The following EXOC6B variants were observed in gnomAD, a reference collection of about 807,000 sequenced individuals.
The protein encoded by EXOC6B is exocyst complex component 6B.
Under a neutral mutation model 113.5 loss-of-function variants are expected in EXOC6B, and 54 were observed. That is an observed-to-expected ratio of 0.48 (90% CI 0.38 to 0.60). The LOEUF is 0.60. Among genes scored for constraint, EXOC6B ranks in the 20% least tolerant of loss-of-function variants. The probability of loss-of-function intolerance (pLI) is 0.00; values close to 1 mark genes in which losing one functional copy is unlikely to be tolerated. For missense variants in EXOC6B, 797 were observed against 977.5 expected, an observed-to-expected ratio of 0.82 and a Z score of 2.46; for synonymous variants, 357 against 339.0, an observed-to-expected ratio of 1.05 and a Z score of -0.58.
At chr2:72,224,640 AT>A (rs199784830) in intron 20 of EXOC6B, among the ~76,000 whole-genome samples, 8,497 of 151,902 alleles carry the variant, frequency 0.056, 822 homozygotes, top group African/African-American at 0.19. Context: ...CACTGCTCTT[AT>A]TTATTTGAGA....
chr2:72,347,985 T>C (rs966095656), intron 19 of EXOC6B, among the ~76,000 whole-genome samples: 1 of 152,236 alleles, frequency 6.6e-6, no homozygotes, highest in Non-Finnish European at 1.5e-5. Flanking sequence ...CTATGGCTTC[T>C]TGTGTTAGTC....
intron 6 of EXOC6B, among the ~76,000 whole-genome samples, chr2:72,650,174 T>A (rs1674057136): frequency 6.6e-6 from 1 of 152,218 alleles, no homozygotes; most frequent in African/African-American, 2.4e-5. Flanking sequence ...GTGCTCCTTA[T>A]GAGAATCCAA....
At chr2:72,227,464 A>C (rs552908443) in intron 20 of EXOC6B, among the ~76,000 whole-genome samples, 3 of 152,222 alleles carry the variant, frequency 2.0e-5, no homozygotes, top group Non-Finnish European at 4.4e-5. Context: ...ACACAAAGTG[A>C]AAACTGAAAC....
chr2:72,291,459 T>C (rs1287008943), intron 20 of EXOC6B, among the ~76,000 whole-genome samples: 1 of 152,174 alleles, frequency 6.6e-6, no homozygotes, highest in Non-Finnish European at 1.5e-5. Context: ...TTGGATAACT[T>C]TCAGTAGAAA....
rs984560040 is a variant in EXOC6B, at chr2:72,401,787, T to C, written c.1981-21917A>G. On this transcript the variant is annotated intron_variant, in intron 18 of 21. Coordinates refer to ENST00000272427, the MANE Select transcript of EXOC6B (RefSeq NM_015189.3). Reference sequence around the variant, plus strand: ...GAAACAGAAAGTTTCTGTTAAAAAATAAAAAGAATCAGATACCCAGAAACA... The same window carrying C: ...GAAACAGAAAGTTTCTGTTAAAAAACAAAAAGAATCAGATACCCAGAAACA... 2.8e-5 allele frequency among the ~76,000 whole-genome samples: 4 copies of C among 143,102 alleles called. No individual in the cohort carries two copies. The Admixed American group carries it at 2.9e-4, about 10-fold the overall frequency. 93.9% of individuals were successfully genotyped at this position (143,102 alleles called of 152,430 possible). A position where few individuals can be genotyped will look rare whatever the true frequency, so the allele number is the denominator to read the frequency against.
chr2:72,645,692 C>T (rs191897270), intron 6 of EXOC6B, among the ~76,000 whole-genome samples: 81 of 152,260 alleles, frequency 5.3e-4, no homozygotes, highest in Non-Finnish European at 9.3e-4. Flanking sequence ...TGAATGACTA[C>T]TGGGTAAATA....
intron 18 of EXOC6B, among the ~76,000 whole-genome samples, chr2:72,421,616 T>C (rs1345934548): frequency 6.6e-6 from 1 of 152,266 alleles, no homozygotes; most frequent in Non-Finnish European, 1.5e-5. Flanking sequence ...CATACTTTAT[T>C]CATAAATGTT....
At chr2:72,467,672 G>A (rs1698137183) in intron 17 of EXOC6B, among the ~76,000 whole-genome samples, 1 of 151,858 alleles carries the variant, frequency 6.6e-6, no homozygotes, top group Admixed American at 6.6e-5. Flanking sequence ...TTTCTCATCG[G>A]GTTGTTTTCT....
chr2:72,240,123 T>C (rs1254240157), intron 20 of EXOC6B, among the ~76,000 whole-genome samples: 1 of 152,176 alleles, frequency 6.6e-6, no homozygotes, highest in Non-Finnish European at 1.5e-5. Context: ...CATCTACAAA[T>C]AAAGATAGTG....
At chr2:72,623,269 C>T (rs1221762961) in intron 6 of EXOC6B, among the ~76,000 whole-genome samples, 2 of 151,956 alleles carry the variant, frequency 1.3e-5, no homozygotes, top group Admixed American at 6.6e-5. Flanking sequence ...ATATATGCAC[C>T]CTATAGATTT....
At chr2:72,617,517 CTTT>C (rs201912352) in intron 6 of EXOC6B, among the ~76,000 whole-genome samples, 56 of 96,948 alleles carry the variant, frequency 5.8e-4, no homozygotes, top group African/African-American at 1.9e-3. Flanking sequence ...AATCTTTTTT[CTTT>C]TTTTTTTTTT....
chr2:72,356,613 G>A (rs1298769787), intron 19 of EXOC6B, among the ~76,000 whole-genome samples: 3 of 152,108 alleles, frequency 2.0e-5, no homozygotes, highest in Non-Finnish European at 4.4e-5. Context: ...CTATATGAGA[G>A]AGTCCCAACT....
intron 6 of EXOC6B, among the ~76,000 whole-genome samples, chr2:72,637,441 A>G (rs766268793): frequency 6.6e-6 from 1 of 152,154 alleles, no homozygotes; most frequent in South Asian, 2.1e-4. Context: ...CAAGAAAAAA[A>G]CAAACAACTC....
At chr2:72,678,715 C>T (rs1426481511) in intron 6 of EXOC6B, among the ~76,000 whole-genome samples, 1 of 151,954 alleles carries the variant, frequency 6.6e-6, no homozygotes, top group East Asian at 1.9e-4. Flanking sequence ...CCAACAACAA[C>T]AAAAAAGGAA....
At chr2:72,267,369 TTCAGTATGATATTGGCTG>T (rs2104611191) in intron 20 of EXOC6B, among the ~76,000 whole-genome samples, 1 of 152,228 alleles carries the variant, frequency 6.6e-6, no homozygotes, top group Admixed American at 6.5e-5. Context: ...TTTTTGCCCA[TTCAGTATGATATTGGCTG>T]TGGGTTTGTC....
At chr2:72,643,807 T>TA (rs1673461779) in intron 6 of EXOC6B, among the ~76,000 whole-genome samples, 1 of 146,010 alleles carries the variant, frequency 6.8e-6, no homozygotes, top group African/African-American at 2.5e-5. Flanking sequence ...TAAAAAAAAT[T>TA]AAAAAATAAA....
chr2:72,612,262 G>A (rs1382693733), intron 6 of EXOC6B, among the ~76,000 whole-genome samples: 4 of 151,412 alleles, frequency 2.6e-5, no homozygotes, highest in South Asian at 2.1e-4. Flanking sequence ...GCAACAGAGC[G>A]AGACTCTGTC....
intron 16 of EXOC6B, 25 bp downstream of exon 16, chr2:72,492,293 C>G (rs1414351964): frequency 1.4e-6 from 2 of 1,459,278 alleles, no homozygotes; most frequent in Non-Finnish European, 1.9e-6. Flanking sequence ...ACTGGCTCGG[C>G]TGCCTTCATT....
rs1291983987 is a variant in EXOC6B, at chr2:72,401,663, ATATG to A, written c.1981-21797_1981-21794del. On this transcript the variant is annotated intron_variant, in intron 18 of 21. Coordinates refer to ENST00000272427, the MANE Select transcript of EXOC6B (RefSeq NM_015189.3). ...CATATATACATATATATATATATAT[ATATG>A]TATATATATATATATATATGAAAAA... is the stretch of plus-strand genomic sequence containing the variant. Among the ~76,000 whole-genome samples, 77 of 76,304 alleles carry A rather than the reference ATATG, an allele frequency of 1.0e-3. 17 individuals are homozygous for A. The highest frequency in any genetic ancestry group is 6.4e-3 in the African/African-American group (71 of 11,024). 50.1% of individuals were successfully genotyped at this position (76,304 alleles called of 152,430 possible). A position where few individuals can be genotyped will look rare whatever the true frequency, so the allele number is the denominator to read the frequency against.
Sources: gnomAD v4.1 joint callset for allele counts (sites outside exome capture counted in the v4.1 genomes callset) on GRCh38, gnomAD v4.1.1 for gene constraint, MANE v1.5 for transcripts, NCBI Gene and HGNC (gene_info 2026-07-23, HGNC 2026-07-21) for gene names.